ABCC4: variants seen among roughly 807,000 people sequenced by gnomAD.
The protein encoded by ABCC4 is ATP-binding cassette sub-family C member 4.
In ABCC4, 102 loss-of-function variants were observed where a neutral mutation model predicts 168.5. The ratio of observed to expected loss-of-function variants is 0.61; its 90% CI spans 0.52 to 0.71. The LOEUF is 0.71. Among genes scored for constraint, ABCC4 ranks in the 30% least tolerant of loss-of-function variants. The pLI, the probability that ABCC4 is intolerant of heterozygous loss-of-function variation, is 0.00. For missense variants in ABCC4, 1,402 were observed against 1,605.8 expected (o/e 0.87, Z 2.17); for synonymous variants, 617 against 590.7 (o/e 1.04, Z -0.65).
chr13:95,134,881 CCTCA>C (rs2036093119), intron 19 of ABCC4, among the ~76,000 whole-genome samples: 1 of 152,010 alleles, frequency 6.6e-6, no homozygotes, highest in Non-Finnish European at 1.5e-5. Context: ...GAGCTTGGGG[CCTCA>C]CTTTCAGGGT....
chr13:95,298,353 T>C (rs7325419), intron 1 of ABCC4, among the ~76,000 whole-genome samples: 2,537 of 152,114 alleles, frequency 0.017, 68 homozygotes, highest in African/African-American at 0.058. Context: ...AAAAGCATAA[T>C]ACTGTAATAA....
At chr13:95,040,623 T>C (rs2032315826) in intron 29 of ABCC4, among the ~76,000 whole-genome samples, 1 of 152,202 alleles carries the variant, frequency 6.6e-6, no homozygotes, top group African/African-American at 2.4e-5. Flanking sequence ...AAGAAGTAAT[T>C]TTTCCTCTTC....
At chr13:95,127,541 G>T (rs779611505) in intron 19 of ABCC4, among the ~76,000 whole-genome samples, 6 of 152,202 alleles carry the variant, frequency 3.9e-5, no homozygotes, top group Non-Finnish European at 7.3e-5. Context: ...GCCTCCCAAA[G>T]TGCTGGGATT....
In ABCC4 at chr13:95,291,023, C is replaced by A. The variant is rs1357165650; in HGVS notation, c.74+10218G>T. On this transcript the variant is annotated intron_variant, in intron 1 of 30. Coordinates refer to ENST00000645237, the MANE Select transcript of ABCC4 (RefSeq NM_005845.5). ...AAAAAAAAAAAAAGAGGAAACCATGCCAAATGACTTTAACCCTTTTCTTGG... is the reference window on the plus strand; with the variant it reads ...AAAAAAAAAAAAAGAGGAAACCATGACAAATGACTTTAACCCTTTTCTTGG... Among the ~76,000 whole-genome samples the A allele has an allele frequency of 1.4e-4, 13 of 92,036 alleles. No individual in the cohort carries two copies. In the East Asian group the frequency reaches 3.9e-3, roughly 27 times the overall value. 60.4% of individuals were successfully genotyped at this position (92,036 alleles called of 152,430 possible).
At chr13:95,255,171 G>A (rs551164179) in intron 1 of ABCC4, among the ~76,000 whole-genome samples, 20 of 152,370 alleles carry the variant, frequency 1.3e-4, no homozygotes, top group Non-Finnish European at 2.9e-5. Context: ...TCGTAGGTAA[G>A]TGACTGAGTG....
Position 95,047,476 on chromosome 13 carries a change from C to CTTTTTT in ABCC4, c.3457-3044_3457-3039dup, listed in dbSNP as rs71111586. ...CCTGGACAATGAAATACTGCCTATT[C>CTTTTTT]TTTTTTTTTTTTTTTTTTTTTGAGG... On this transcript the variant is annotated intron_variant, in intron 27 of 30. Transcript: ENST00000645237. 2.2e-3 allele frequency among the ~76,000 whole-genome samples: 184 copies of CTTTTTT among 83,320 alleles called. 10 individuals carry two copies. Among genetic ancestry groups the CTTTTTT allele is most frequent in the African/African-American group, 3.8e-3 (75 of 19,572 alleles). The allele number at this position is 83,320 out of a possible 152,430, so 54.7% of individuals were successfully genotyped here.
chr13:95,295,875 G>GA (rs2041517369), intron 1 of ABCC4, among the ~76,000 whole-genome samples: 1 of 150,616 alleles, frequency 6.6e-6, no homozygotes, highest in Non-Finnish European at 1.5e-5. Context: ...GCTGAGGCAG[G>GA]AGAATCACTT....
intron 19 of ABCC4, among the ~76,000 whole-genome samples, chr13:95,129,354 A>G (rs1191934147): frequency 6.6e-6 from 1 of 152,250 alleles, no homozygotes; most frequent in Non-Finnish European, 1.5e-5. Context: ...AGCTAAAGCA[A>G]TAAACATAAT....
Position 95,194,950 on chromosome 13 carries a change from G to A in ABCC4, c.1162-13C>T. On this transcript the variant is annotated splice_polypyrimidine_tract_variant and intron_variant, in intron 8 of 30. Coordinates refer to ENST00000645237, the MANE Select transcript of ABCC4 (RefSeq NM_005845.5). Reference sequence around the variant, plus strand: ...GTAGCAAAAAGGTCTAAAGAAAATGGGAAAAACACAGATTGTTTAAATTAC... The same window carrying A: ...GTAGCAAAAAGGTCTAAAGAAAATGAGAAAAACACAGATTGTTTAAATTAC... 6 of 1,603,572 alleles carry A rather than the reference G, an allele frequency of 3.7e-6. No homozygotes were observed. The highest frequency in any genetic ancestry group is 5.1e-6 in the Non-Finnish European group (6 of 1,173,040).
At chr13:95,068,071 C>T (rs2033607320) in intron 25 of ABCC4, among the ~76,000 whole-genome samples, 1 of 152,160 alleles carries the variant, frequency 6.6e-6, no homozygotes, top group African/African-American at 2.4e-5. Context: ...TCCAGGAAAT[C>T]TGAGCAGATG....
At chr13:95,076,567 C>T (rs1409414333) in intron 21 of ABCC4, among the ~76,000 whole-genome samples, 4 of 150,254 alleles carry the variant, frequency 2.7e-5, no homozygotes, top group South Asian at 2.1e-4. Context: ...CCCGTTCAAG[C>T]GATTCTCCTG....
At chr13:95,252,188 G>A (rs1361087020) in intron 1 of ABCC4, among the ~76,000 whole-genome samples, 3 of 151,922 alleles carry the variant, frequency 2.0e-5, no homozygotes, top group Non-Finnish European at 4.4e-5. Flanking sequence ...CTTCCTTTAT[G>A]TGAAAAGGTT....
rs547227593 is a variant in ABCC4, at chr13:95,270,628, C to T, written c.75-22875G>A. 1.5e-4 allele frequency among the ~76,000 whole-genome samples: 23 copies of T among 152,282 alleles called. 1 individual carries two copies. Among genetic ancestry groups the T allele is most frequent in the Middle Eastern group, 6.8e-3 (2 of 294 alleles). Reference sequence around the variant, plus strand: ...ACAACAGGGGGCTGGCCAGGGCCCACGCATGAGATCTAGTAGAGATTCTGA... The same window carrying T: ...ACAACAGGGGGCTGGCCAGGGCCCATGCATGAGATCTAGTAGAGATTCTGA... On this transcript the variant is annotated intron_variant, in intron 1 of 30. Transcript: ENST00000645237.
At chr13:95,192,034 T>C (rs1483551547) in intron 9 of ABCC4, among the ~76,000 whole-genome samples, 1 of 152,230 alleles carries the variant, frequency 6.6e-6, no homozygotes, top group Non-Finnish European at 1.5e-5. Flanking sequence ...GCCCCCACTC[T>C]GTGGGCCCTG....
At chr13:95,077,007 C>G (rs1310024840) in intron 21 of ABCC4, among the ~76,000 whole-genome samples, 2 of 152,184 alleles carry the variant, frequency 1.3e-5, no homozygotes, top group Non-Finnish European at 2.9e-5. Context: ...AGGTGTGAGC[C>G]ACCATTTCCA....
chr13:95,056,464 C>A (rs1024132538), intron 26 of ABCC4, among the ~76,000 whole-genome samples: 1 of 152,196 alleles, frequency 6.6e-6, no homozygotes, highest in East Asian at 1.9e-4. Context: ...GAATTTAAGT[C>A]GTGTAAAGTC....
chr13:95,099,281 G>T (rs775617700), intron 20 of ABCC4, among the ~76,000 whole-genome samples: 2 of 152,148 alleles, frequency 1.3e-5, no homozygotes, highest in South Asian at 4.1e-4. Context: ...CCATTTATAC[G>T]TAGTTCAAGA....
rs553185300 is a variant in ABCC4 at position 95,180,245 on chromosome 13, CTTTCAGT to C, written c.1546-2161_1546-2155del. Among the ~76,000 whole-genome samples, 233 of 152,260 alleles carry C rather than the reference CTTTCAGT, an allele frequency of 1.5e-3. 1 individual carries two copies. The highest frequency in any genetic ancestry group is 5.3e-3 in the African/African-American group (222 of 41,546). ...AGCTCAGAAGTTACACTATCTCTTCCTTTCAGTTTTCATAAAAAGACAACGCGGCCAG... is the reference window on the plus strand; with the variant it reads ...AGCTCAGAAGTTACACTATCTCTTCCTTTCATAAAAAGACAACGCGGCCAG... On this transcript the variant is annotated intron_variant, in intron 11 of 30. Transcript: ENST00000645237.
chr13:95,168,308 C>T (rs2037352082), intron 14 of ABCC4, among the ~76,000 whole-genome samples: 2 of 152,166 alleles, frequency 1.3e-5, no homozygotes, highest in Non-Finnish European at 2.9e-5. Context: ...AACCCAGGCT[C>T]CCTATTCCTG....
Sources: allele counts gnomAD v4.1 joint callset (sites outside exome capture counted in the v4.1 genomes callset), GRCh38; gene constraint gnomAD v4.1.1; transcripts MANE v1.5; gene names NCBI Gene and HGNC (gene_info 2026-07-23, HGNC 2026-07-21).